The following LRRC4C variants were observed in gnomAD, a reference collection of about 807,000 sequenced individuals.
The protein encoded by LRRC4C is leucine rich repeat containing 4C, also known as leucine-rich repeat-containing protein 4C.
Under a neutral mutation model 33.6 loss-of-function variants are expected in LRRC4C, and 5 were observed. The observed-to-expected ratio is 0.15, with a 90% CI of 0.08 to 0.31. The LOEUF is 0.31. LRRC4C is among the 10% of genes least tolerant of loss of function. The pLI is 1.00. For synonymous variants in LRRC4C, 329 were observed against 302.0 expected (o/e 1.09, Z -0.93); for missense variants, 560 against 796.7 (o/e 0.70, Z 3.58).
At chr11:40,291,931 CTT>C (rs113937225) in intron 4 of LRRC4C, among the ~76,000 whole-genome samples, 3 of 143,850 alleles carry the variant, frequency 2.1e-5, no homozygotes, top group African/African-American at 2.5e-5. Flanking sequence ...TCTTGGGGAG[CTT>C]TTTTTTTTTT....
intron 1 of LRRC4C, among the ~76,000 whole-genome samples, chr11:41,350,509 C>CA (rs71063914): frequency 0.019 from 2,037 of 106,392 alleles, 34 homozygotes; most frequent in Non-Finnish European, 0.022. Context: ...GACTCCATCT[C>CA]AAAAAAAAAA....
intron 3 of LRRC4C, among the ~76,000 whole-genome samples, chr11:40,524,207 C>A (rs7129680): frequency 0.35 from 53,848 of 151,914 alleles, 10,554 homozygotes; most frequent in East Asian, 0.65. Context: ...TTTATTAATT[C>A]AGTATCAATG....
chr11:40,226,468 A>G (rs903428426), intron 5 of LRRC4C, among the ~76,000 whole-genome samples: 1 of 152,222 alleles, frequency 6.6e-6, no homozygotes, highest in Non-Finnish European at 1.5e-5. Flanking sequence ...TTGCTAGCAC[A>G]GATTGGGCTT....
intron 2 of LRRC4C, among the ~76,000 whole-genome samples, chr11:40,917,792 GATAA>G (rs1390325318): frequency 2.0e-5 from 3 of 152,066 alleles, no homozygotes; most frequent in African/African-American, 7.2e-5. Context: ...ATATATATAA[GATAA>G]ATAGTGTCCC....
intron 1 of LRRC4C, among the ~76,000 whole-genome samples, chr11:41,184,641 T>C (rs999766217): frequency 6.6e-6 from 1 of 152,116 alleles, no homozygotes; most frequent in Admixed American, 6.5e-5. Flanking sequence ...CACATTTTCC[T>C]GTCTTCCTCT....
intron 1 of LRRC4C, among the ~76,000 whole-genome samples, chr11:41,145,607 C>T (rs2135935202): frequency 1.3e-5 from 2 of 152,232 alleles, no homozygotes; most frequent in East Asian, 3.9e-4. Flanking sequence ...CTCTACAACA[C>T]TTTGTCGGAT....
intron 3 of LRRC4C, among the ~76,000 whole-genome samples, chr11:40,568,701 T>C (rs1957860942): frequency 6.6e-6 from 1 of 152,114 alleles, no homozygotes; most frequent in African/African-American, 2.4e-5. Context: ...AGTAGCCCTA[T>C]CCTGGAATCA....
chr11:40,618,209 T>C (rs1014708098), intron 3 of LRRC4C, among the ~76,000 whole-genome samples: 2 of 151,652 alleles, frequency 1.3e-5, no homozygotes, highest in Non-Finnish European at 3.0e-5. Flanking sequence ...AGGTGAGCTT[T>C]TAATCCACTA....
chr11:40,285,231 G>A (rs1029715639), intron 4 of LRRC4C, among the ~76,000 whole-genome samples: 1 of 152,176 alleles, frequency 6.6e-6, no homozygotes, highest in Non-Finnish European at 1.5e-5. Context: ...GAGACTGGGA[G>A]TAGAAGTGAC....
intron 3 of LRRC4C, among the ~76,000 whole-genome samples, chr11:40,601,514 A>C (rs1959989215): frequency 6.6e-6 from 1 of 152,228 alleles, no homozygotes; most frequent in African/African-American, 2.4e-5. Context: ...AGGGAACATA[A>C]ATCTGTATTA....
intron 1 of LRRC4C, among the ~76,000 whole-genome samples, chr11:41,027,947 C>G (rs1427359991): frequency 6.6e-6 from 1 of 151,520 alleles, no homozygotes; most frequent in Non-Finnish European, 1.5e-5. Flanking sequence ...TTAATTAAAA[C>G]TCAAACAGTA....
chr11:40,335,361 C>A (rs542939233), intron 3 of LRRC4C, among the ~76,000 whole-genome samples: 1 of 152,286 alleles, frequency 6.6e-6, no homozygotes, highest in Admixed American at 6.5e-5. Context: ...ATAAATCCTA[C>A]ACCTAAGTCC....
intron 3 of LRRC4C, among the ~76,000 whole-genome samples, chr11:40,551,261 C>T (rs1265434191): frequency 1.3e-5 from 2 of 151,850 alleles, no homozygotes; most frequent in African/African-American, 4.8e-5. Flanking sequence ...CTGTCACAAA[C>T]AATTTTGAAT....
chr11:40,866,185 A>AG (rs1423752024), intron 2 of LRRC4C, among the ~76,000 whole-genome samples: 2 of 149,496 alleles, frequency 1.3e-5, no homozygotes, highest in African/African-American at 2.4e-5. Context: ...AAAAAAAAAA[A>AG]GCGGTAAGAA....
At chr11:40,899,829 C>T (rs999917068) in intron 2 of LRRC4C, among the ~76,000 whole-genome samples, 9 of 152,150 alleles carry the variant, frequency 5.9e-5, no homozygotes, top group South Asian at 4.1e-4. Flanking sequence ...CCACTTCTCA[C>T]GCTATTGGTA....
chr11:40,671,228 A>G (rs987820071), intron 2 of LRRC4C, among the ~76,000 whole-genome samples: 72 of 152,218 alleles, frequency 4.7e-4, no homozygotes, highest in African/African-American at 1.7e-3. Flanking sequence ...ACTGTGATTA[A>G]TCATTTTATT....
At chr11:40,730,784 C>T (rs185996252) in intron 2 of LRRC4C, among the ~76,000 whole-genome samples, 2 of 152,310 alleles carry the variant, frequency 1.3e-5, no homozygotes, top group East Asian at 3.9e-4. Context: ...ATTCTGAGTG[C>T]CTTCATTTAG....
chr11:41,324,540 T>G (rs1951051793), intron 1 of LRRC4C, among the ~76,000 whole-genome samples: 1 of 152,212 alleles, frequency 6.6e-6, no homozygotes, highest in Non-Finnish European at 1.5e-5. Context: ...CTTCAGCGAA[T>G]TTTTGTAAGG....
In LRRC4C at chr11:41,157,307, A is replaced by T. The variant is rs192695739; in HGVS notation, c.-495-223584T>A. Among the ~76,000 whole-genome samples the T allele has an allele frequency of 5.3e-3, 814 of 152,230 alleles. 31 individuals carry two copies. Among genetic ancestry groups the T allele is most frequent in the Admixed American group, 0.049 (742 of 15,264 alleles). ...ATCAGCCAGGAGGTCAGTTTCATTG[A>T]ACTAGAGGAAGGAGAGGGATGTAGC... On this transcript the variant is annotated intron_variant, in intron 1 of 6. Transcript: ENST00000528697.
Sources: allele counts gnomAD v4.1 joint callset (sites outside exome capture counted in the v4.1 genomes callset), GRCh38; gene constraint gnomAD v4.1.1; transcripts MANE v1.5; gene names NCBI Gene and HGNC (gene_info 2026-07-23, HGNC 2026-07-21).